The following OR2C1 variants were observed in gnomAD, a reference collection of about 807,000 sequenced individuals.
The protein encoded by OR2C1 is olfactory receptor family 2 subfamily C member 1.
For synonymous variants in OR2C1, 209 were observed against 167.3 expected (o/e 1.25, Z -1.92); for missense variants, 468 against 388.3 (o/e 1.21, Z -1.73).
upstream of OR2C1, chr16:3,355,878 C>T: frequency 7.8e-7 from 1 of 1,277,314 alleles, no homozygotes; most frequent in East Asian, 2.3e-5. Flanking sequence ...ACAGCTTTTT[C>T]TTGACTTTTC....
At chr16:3,338,954 C>G in the OR2C1 span, among the ~76,000 whole-genome samples, 1 of 152,262 alleles carries the variant, frequency 6.6e-6, no homozygotes. Context: ...TCATCTAGTT[C>G]CAAAATATTT....
chr16:3,331,725 G>C, the OR2C1 span, among the ~76,000 whole-genome samples: 1 of 151,814 alleles, frequency 6.6e-6, no homozygotes, highest in South Asian at 2.1e-4. Flanking sequence ...CCCATTACTG[G>C]GTATATTCCC....
the OR2C1 span, among the ~76,000 whole-genome samples, chr16:3,348,831 C>G: frequency 6.6e-6 from 1 of 152,208 alleles, no homozygotes; most frequent in Non-Finnish European, 1.5e-5. Flanking sequence ...GTTCTTGCTT[C>G]TCACAGGGTG....
the OR2C1 span, chr16:3,323,984 C>T: frequency 1.9e-6 from 1 of 512,964 alleles, no homozygotes; most frequent in Non-Finnish European, 3.4e-6. Context: ...AATAGGTATA[C>T]TTCCAACATA....
upstream of OR2C1, among the ~76,000 whole-genome samples, chr16:3,355,457 C>CAAAAAAAAAAAAAAAAAAAAAAAAAAAA (rs56022625): frequency 8.8e-5 from 4 of 45,486 alleles, no homozygotes; most frequent in African/African-American, 3.2e-4. Flanking sequence ...GACTCTGTCT[C>CAAAAAAAAAAAAAAAAAAAAAAAAAAAA]AAAAAAAAAA....
chr16:3,351,521 C>T (rs536752838), upstream of OR2C1, among the ~76,000 whole-genome samples: 60 of 152,270 alleles, frequency 3.9e-4, 1 homozygote, highest in Middle Eastern at 3.4e-3. Flanking sequence ...CTCCCTTTAA[C>T]TATTTCCTCC....
chr16:3,333,210 C>CTTTTTTTT, the OR2C1 span, among the ~76,000 whole-genome samples: 68 of 33,050 alleles, frequency 2.1e-3, 21 homozygotes, highest in Non-Finnish European at 3.1e-3. Context: ...ATCTTTTGCC[C>CTTTTTTTT]ATTTTTTTTT....
chr16:3,355,851 C>A (rs1331093221), upstream of OR2C1: 2 of 911,160 alleles, frequency 2.2e-6, no homozygotes, highest in African/African-American at 1.7e-5. Context: ...GTTCCTGATG[C>A]AAATCCACCT....
At chr16:3,355,457 C>CA (rs56022625), upstream of OR2C1, among the ~76,000 whole-genome samples, 1,702 of 45,506 alleles carry the variant, frequency 0.037, 206 homozygotes, top group African/African-American at 0.12. Context: ...GACTCTGTCT[C>CA]AAAAAAAAAA....
At chr16:3,350,434 TGGA>T in the OR2C1 span, among the ~76,000 whole-genome samples, 1 of 149,728 alleles carries the variant, frequency 6.7e-6, no homozygotes, top group Non-Finnish European at 1.5e-5. Flanking sequence ...TTTTTTGAGA[TGGA>T]GTCTTGCTCT....
At chr16:3,343,762 A>G in the OR2C1 span, among the ~76,000 whole-genome samples, 7 of 152,168 alleles carry the variant, frequency 4.6e-5, no homozygotes, top group African/African-American at 1.7e-4. Flanking sequence ...AAAAAATAAA[A>G]TAAAACCCTA....
chr16:3,340,134 C>T, the OR2C1 span, among the ~76,000 whole-genome samples: 1 of 152,022 alleles, frequency 6.6e-6, no homozygotes, highest in Non-Finnish European at 1.5e-5. Context: ...CAAAAATTAG[C>T]CAGGCATGGT....
upstream of OR2C1, among the ~76,000 whole-genome samples, chr16:3,351,452 G>A (rs919145263): frequency 6.6e-6 from 1 of 151,954 alleles, no homozygotes; most frequent in Admixed American, 6.6e-5. Context: ...TTAATTGGAA[G>A]AAAATTTGTT....
chr16:3,333,587 G>A, the OR2C1 span, among the ~76,000 whole-genome samples: 4 of 152,148 alleles, frequency 2.6e-5, no homozygotes, highest in East Asian at 1.9e-4. Flanking sequence ...CGCCCGGCTC[G>A]GCCTCCCAAA....
the OR2C1 span, among the ~76,000 whole-genome samples, chr16:3,327,129 G>T: frequency 2.0e-5 from 3 of 151,938 alleles, no homozygotes; most frequent in Non-Finnish European, 1.5e-5. Context: ...TTTTCTTATG[G>T]AAGTTATCAA....
At chr16:3,345,323 A>C in the OR2C1 span, among the ~76,000 whole-genome samples, 1 of 151,854 alleles carries the variant, frequency 6.6e-6, no homozygotes, top group South Asian at 2.1e-4. Flanking sequence ...TCTCTACTAA[A>C]AAAATACAAA....
chr16:3,324,232 C>G, the OR2C1 span, among the ~76,000 whole-genome samples: 1 of 152,068 alleles, frequency 6.6e-6, no homozygotes, highest in African/African-American at 2.4e-5. Context: ...CACTCTATCC[C>G]CCAGGCTGGA....
At chr16:3,336,388 GT>G in the OR2C1 span, among the ~76,000 whole-genome samples, 2 of 151,814 alleles carry the variant, frequency 1.3e-5, no homozygotes, top group Non-Finnish European at 2.9e-5. Flanking sequence ...TTGAGATTGA[GT>G]CTCGCTCTGT....
chr16:3,332,400 G>A, the OR2C1 span, among the ~76,000 whole-genome samples: 2 of 152,008 alleles, frequency 1.3e-5, no homozygotes, highest in South Asian at 2.1e-4. Flanking sequence ...TTTGAAAAGT[G>A]TAATAGATTA....
Sources: gnomAD v4.1 joint callset for allele counts (sites outside exome capture counted in the v4.1 genomes callset) on GRCh38, gnomAD v4.1.1 for gene constraint, MANE v1.5 for transcripts, NCBI Gene and HGNC (gene_info 2026-07-23, HGNC 2026-07-21) for gene names.